FFAR4: variants seen among roughly 807,000 people sequenced by gnomAD.
The protein encoded by FFAR4 is free fatty acid receptor 4.
In FFAR4, 19 loss-of-function variants were observed where a neutral mutation model predicts 27.0. The ratio of observed to expected loss-of-function variants is 0.70; its 90% CI spans 0.49 to 1.03. The LOEUF is 1.03. FFAR4 is among the 50% of genes least tolerant of loss of function. The pLI is 0.00. For synonymous variants in FFAR4, 254 were observed against 215.6 expected (o/e 1.18, Z -1.56); for missense variants, 476 against 479.0 (o/e 0.99, Z 0.06).
At position 93,566,971 on chromosome 10, in the gene FFAR4, C is replaced by A; in HGVS notation, c.251C>A (p.Ala84Glu). 1.2e-6 allele frequency: 2 copies of A among 1,611,830 alleles called. No individual in the cohort carries two copies. Among genetic ancestry groups the A allele is most frequent in the Non-Finnish European group, 1.7e-6 (2 of 1,179,834 alleles). ...TACLVLNLFCADLLFISAIPL... is the reference protein window; with the variant it reads ...TACLVLNLFCEDLLFISAIPL... The stretch of plus-strand genomic sequence containing the variant: ...TGCCTGGTACTCAACCTCTTCTGCG[C>A]GGACCTGCTCTTCATCAGCGCTATC... Residue 84 changes from alanine to glutamate, a missense_variant, in exon 1 of 3, where the codon GCG (alanine) becomes GAG (glutamate). Physicochemically the swap from Ala to Glu is moderately radical, Grantham distance 107. Transcript: ENST00000371481.
At chr10:93,578,434 A>C (rs113351375) in intron 2 of FFAR4, among the ~76,000 whole-genome samples, 10,890 of 150,352 alleles carry the variant, frequency 0.072, 602 homozygotes, top group Non-Finnish European at 0.11. Context: ...AAAAAAAAAA[A>C]AAAAAAACGA....
chr10:93,578,479 C>A (rs1589677308), intron 2 of FFAR4, among the ~76,000 whole-genome samples: 1 of 148,024 alleles, frequency 6.8e-6, no homozygotes, highest in Non-Finnish European at 1.5e-5. Context: ...GACACAGAGA[C>A]TTGACAGTGT....
At chr10:93,579,302 G>T in intron 2 of FFAR4, 1 of 1,061,156 alleles carries the variant, frequency 9.4e-7, no homozygotes, top group Non-Finnish European at 1.4e-6. Context: ...GTCTGGCCCC[G>T]CTGCCGTTCT....
chr10:93,576,044 A>G (rs556204563), intron 1 of FFAR4, 47 bp from the exon 2 acceptor site: 2 of 1,607,896 alleles, frequency 1.2e-6, no homozygotes, highest in South Asian at 2.2e-5. Context: ...CCAGAGGCCA[A>G]TAAGAAGCCA....
intron 2 of FFAR4, chr10:93,579,095 C>A: frequency 6.9e-7 from 1 of 1,442,670 alleles, no homozygotes; most frequent in Non-Finnish European, 9.8e-7. Flanking sequence ...CTCTAAACAG[C>A]AGTTTACTCT....
At chr10:93,574,763 G>A (rs1044230850) in intron 1 of FFAR4, among the ~76,000 whole-genome samples, 13 of 152,020 alleles carry the variant, frequency 8.6e-5, no homozygotes, top group African/African-American at 1.4e-4. Flanking sequence ...TCATGGTGGC[G>A]TGCTCCTGTG....
Position 93,587,555 on chromosome 10 carries a change from C to T in FFAR4, c.1032C>T (p.Ala344=), listed in dbSNP as rs146391188. ...GCTTCTGGTTCCCAGAAAAGGGAGCCATTTTAACAGACACATCTGTCAAAA... is the reference window on the plus strand; with the variant it reads ...GCTTCTGGTTCCCAGAAAAGGGAGCTATTTTAACAGACACATCTGTCAAAA... ...FCCFWFPEKG[A]ILTDTSVKRN... Residue 344 remains alanine (A), a synonymous_variant, in exon 3 of 3, where the codon GCC becomes GCT. Transcript: ENST00000371481. 6.2e-6 allele frequency: 10 copies of T among 1,614,012 alleles called. No homozygotes were observed.
chr10:93,583,993 G>T (rs930151443), intron 2 of FFAR4, among the ~76,000 whole-genome samples: 8 of 152,176 alleles, frequency 5.3e-5, no homozygotes, highest in African/African-American at 1.9e-4. Flanking sequence ...AGCCCTTGTG[G>T]GTCCCCCAGC....
chr10:93,581,085 AT>A (rs1158116045), intron 2 of FFAR4, among the ~76,000 whole-genome samples: 1 of 152,212 alleles, frequency 6.6e-6, no homozygotes, highest in African/African-American at 2.4e-5. Flanking sequence ...ATGCACCAGA[AT>A]GGAAGAGCAG....
intron 2 of FFAR4, among the ~76,000 whole-genome samples, chr10:93,583,843 G>A (rs544856069): frequency 2.0e-5 from 3 of 152,330 alleles, no homozygotes; most frequent in African/African-American, 7.2e-5. Context: ...GCACATAGTA[G>A]GTGCTCCATA....
rs768201548 is a variant in FFAR4 at position 93,567,234 on chromosome 10, C to T, written c.514C>T (p.Pro172Ser). 5.6e-6 allele frequency: 9 copies of T among 1,601,314 alleles called. No homozygotes were observed. In the Admixed American group the frequency reaches 1.2e-4, roughly 21 times the overall value. ...GGGCTATTCGGCGGTCGCCGCTCTG[C>T]CTCTCTGCGTCTTCTTCCGAGTCGT... ...IWGYSAVAAL[P>S]LCVFFRVVPQ... The change falls in exon 1 of 3, where the codon CCT (proline) becomes TCT (serine). Residue 172 changes from proline to serine, a missense_variant. Transcript: ENST00000371481.
Position 93,587,459 on chromosome 10 carries a change from T to C in FFAR4, c.936T>C (p.Ala312=), listed in dbSNP as rs1488151963. The part of the protein sequence containing the change: ...LFFWVVAFTF[A]NSALNPILYN... The stretch of plus-strand genomic sequence containing the variant: ...TCTGGGTGGTGGCCTTCACATTTGC[T>C]AATTCAGCCCTAAACCCCATCCTCT... Residue 312 remains alanine (A), a synonymous_variant, in exon 3 of 3, where the codon GCT becomes GCC. Coordinates refer to ENST00000371481, the MANE Select transcript of FFAR4 (RefSeq NM_001195755.2). 1 of 1,614,128 alleles carries C rather than the reference T, an allele frequency of 6.2e-7. No individual in the cohort carries two copies. The highest frequency in any genetic ancestry group is 8.5e-7 in the Non-Finnish European group (1 of 1,180,004).
chr10:93,567,097 T>TC lies in FFAR4; in HGVS notation c.379dup (p.Leu127ProfsTer187). On this transcript the variant is annotated frameshift_variant, in exon 1 of 3. Transcript: ENST00000371481. LOFTEE classifies it high-confidence loss of function. ...ATGACCCTGAGCGGCAGCGTCACCATCCTCACGCTGGCCGCGGTCAGCCTG... is the reference window on the plus strand; with the variant it reads ...ATGACCCTGAGCGGCAGCGTCACCATCCCTCACGCTGGCCGCGGTCAGCCTG... The TC allele has an allele frequency of 6.2e-7, 1 of 1,609,572 alleles. No individual in the cohort carries two copies. Among genetic ancestry groups the TC allele is most frequent in the Non-Finnish European group, 8.5e-7 (1 of 1,178,936 alleles).
chr10:93,568,017 G>A (rs1023768883), intron 1 of FFAR4, among the ~76,000 whole-genome samples: 5 of 152,186 alleles, frequency 3.3e-5, no homozygotes, highest in African/African-American at 1.2e-4. Flanking sequence ...TTTACATAGC[G>A]GGTCAATAGT....
intron 2 of FFAR4, among the ~76,000 whole-genome samples, chr10:93,582,868 C>A (rs1353046290): frequency 3.9e-5 from 6 of 152,128 alleles, no homozygotes; most frequent in Admixed American, 3.9e-4. Context: ...CAAGGACCTT[C>A]TTTGCATGGT....
chr10:93,583,957 A>G (rs2058213472), intron 2 of FFAR4, among the ~76,000 whole-genome samples: 1 of 152,210 alleles, frequency 6.6e-6, no homozygotes, highest in Non-Finnish European at 1.5e-5. Context: ...GTGGGCAGCA[A>G]GAGGGATGAA....
At chr10:93,584,302 C>T (rs2058215297) in intron 2 of FFAR4, among the ~76,000 whole-genome samples, 1 of 152,158 alleles carries the variant, frequency 6.6e-6, no homozygotes, top group Admixed American at 6.5e-5. Context: ...AATAGTGTGG[C>T]CATCCCTTTT....
chr10:93,579,134 C>T (rs773608640), intron 2 of FFAR4: 24 of 1,612,370 alleles, frequency 1.5e-5, no homozygotes, highest in Non-Finnish European at 1.8e-5. Flanking sequence ...AACCCACAGC[C>T]GGCCTTCACT....
At chr10:93,582,568 C>G (rs2058204539) in intron 2 of FFAR4, among the ~76,000 whole-genome samples, 1 of 145,440 alleles carries the variant, frequency 6.9e-6, no homozygotes. Flanking sequence ...AAAAAAAAAT[C>G]CATCCACTTA....
Sources: gnomAD v4.1 joint callset for allele counts (sites outside exome capture counted in the v4.1 genomes callset) on GRCh38, gnomAD v4.1.1 for gene constraint, MANE v1.5 for transcripts, NCBI Gene and HGNC (gene_info 2026-07-23, HGNC 2026-07-21) for gene names.